The following EXOC4 variants were observed in gnomAD, a reference collection of about 807,000 sequenced individuals.
EXOC4 encodes SEC8-like 1.
A neutral mutation model predicts 107.2 loss-of-function variants in EXOC4; 71 were observed. That is an observed-to-expected ratio of 0.66 (90% CI 0.55 to 0.81). EXOC4 has a LOEUF of 0.81. Ranked by LOEUF, EXOC4 falls within the 30% of genes least tolerant of loss-of-function variation. The pLI, the probability that EXOC4 is intolerant of heterozygous loss-of-function variation, is 0.00. For missense variants in EXOC4, 1,108 were observed against 1,189.6 expected (o/e 0.93, Z 1.01); for synonymous variants, 456 against 441.2 (o/e 1.03, Z -0.42).
chr7:133,959,851 G>T (rs1274728615), intron 14 of EXOC4, among the ~76,000 whole-genome samples: 1 of 152,050 alleles, frequency 6.6e-6, no homozygotes, highest in Non-Finnish European at 1.5e-5. Flanking sequence ...ACCTAGAATT[G>T]TTTATCTAAC....
At chr7:133,560,413 T>A (rs1390872222) in intron 9 of EXOC4, among the ~76,000 whole-genome samples, 1 of 152,150 alleles carries the variant, frequency 6.6e-6, no homozygotes, top group Admixed American at 6.5e-5. Context: ...GCCACTTGAG[T>A]AGCTGGGATT....
chr7:133,453,254 G>A (rs757585434), intron 7 of EXOC4, among the ~76,000 whole-genome samples: 2 of 152,168 alleles, frequency 1.3e-5, no homozygotes, highest in East Asian at 1.9e-4. Flanking sequence ...GTTGGCCAGC[G>A]TCTATAGTAG....
At chr7:133,660,695 T>C (rs1404664199) in intron 10 of EXOC4, among the ~76,000 whole-genome samples, 1 of 152,206 alleles carries the variant, frequency 6.6e-6, no homozygotes, top group Non-Finnish European at 1.5e-5. Context: ...CTTCACTTTT[T>C]TGCCTCCTAT....
intron 17 of EXOC4, among the ~76,000 whole-genome samples, chr7:134,018,157 G>A (rs1794952336): frequency 6.6e-6 from 1 of 152,164 alleles, no homozygotes; most frequent in South Asian, 2.1e-4. Flanking sequence ...GGGTTGCATT[G>A]TACTGAAAAG....
chr7:133,302,396 T>C (rs968760427), intron 3 of EXOC4, among the ~76,000 whole-genome samples: 2 of 152,180 alleles, frequency 1.3e-5, no homozygotes, highest in East Asian at 1.9e-4. Context: ...AAAAATTCAC[T>C]GGTAGTCATA....
intron 7 of EXOC4, among the ~76,000 whole-genome samples, chr7:133,468,210 T>G (rs1376361550): frequency 1.3e-5 from 2 of 152,222 alleles, no homozygotes; most frequent in Non-Finnish European, 2.9e-5. Flanking sequence ...TTTGTTTTAT[T>G]CTGAACAATA....
rs749088168 is a variant in EXOC4 at position 133,253,230 on chromosome 7, GC to G, written c.86+44del. On this transcript the variant is annotated intron_variant, in intron 1 of 17. Coordinates refer to ENST00000253861, the MANE Select transcript of EXOC4 (RefSeq NM_021807.4). Reference sequence around the variant, plus strand: ...CAGGGTCTGGGGACTGGGGGCAGCGGCTCGACCTCCGCTTTGGAAGGGAGAA... The same window carrying G: ...CAGGGTCTGGGGACTGGGGGCAGCGGTCGACCTCCGCTTTGGAAGGGAGAA... The G allele has an allele frequency of 4.4e-6, 7 of 1,596,612 alleles. No homozygotes were observed. In the South Asian group the frequency reaches 7.7e-5, roughly 18 times the overall value.
chr7:133,974,813 G>A (rs1793789966), intron 14 of EXOC4, among the ~76,000 whole-genome samples: 1 of 152,160 alleles, frequency 6.6e-6, no homozygotes, highest in Admixed American at 6.5e-5. Flanking sequence ...CATTGTGAAT[G>A]GTTTAATGAA....
Position 133,738,338 on chromosome 7 carries a change from A to G in EXOC4, c.1515-78987A>G, listed in dbSNP as rs527448377. Among the ~76,000 whole-genome samples the G allele has an allele frequency of 3.3e-5, 5 of 152,304 alleles. No individual in the cohort carries two copies. The South Asian group carries it at 8.3e-4, about 25-fold the overall frequency. The stretch of plus-strand genomic sequence containing the variant: ...ACTCATTTATAATGTCAACAGTCAC[A>G]TGAAGGCTAGAAAAATTAAATGTGT... On this transcript the variant is annotated intron_variant, in intron 10 of 17. Coordinates refer to ENST00000253861, the MANE Select transcript of EXOC4 (RefSeq NM_021807.4).
chr7:133,643,257 C>T (rs915897594), intron 10 of EXOC4, among the ~76,000 whole-genome samples: 6 of 152,094 alleles, frequency 3.9e-5, no homozygotes, highest in South Asian at 4.1e-4. Context: ...TAGAGTCCAA[C>T]GTTTGAGGGC....
At chr7:134,096,935 C>T in the EXOC4 span, among the ~76,000 whole-genome samples, 3 of 151,940 alleles carry the variant, frequency 2.0e-5, no homozygotes, top group Non-Finnish European at 4.4e-5. Flanking sequence ...AGTTGACACT[C>T]AATATTAACC....
chr7:133,522,974 A>C (rs1471064415), intron 9 of EXOC4, among the ~76,000 whole-genome samples: 1 of 152,168 alleles, frequency 6.6e-6, no homozygotes, highest in Non-Finnish European at 1.5e-5. Context: ...TTCTGAACCA[A>C]GTCAAGTTGA....
At chr7:133,947,087 C>T (rs1419800980) in intron 14 of EXOC4, among the ~76,000 whole-genome samples, 1 of 152,178 alleles carries the variant, frequency 6.6e-6, no homozygotes, top group Non-Finnish European at 1.5e-5. Flanking sequence ...ACTATTTGGC[C>T]TGTCCGAGCT....
At chr7:133,437,475 A>G (rs971325983) in intron 7 of EXOC4, among the ~76,000 whole-genome samples, 4 of 152,236 alleles carry the variant, frequency 2.6e-5, no homozygotes, top group Non-Finnish European at 5.9e-5. Flanking sequence ...ATGCTGGACA[A>G]TGAAGAAGAA....
intron 10 of EXOC4, among the ~76,000 whole-genome samples, chr7:133,662,469 C>T (rs1327183942): frequency 1.3e-5 from 2 of 152,014 alleles, no homozygotes; most frequent in Admixed American, 6.6e-5. Context: ...TTGACAAGAA[C>T]AGTTTTGAGT....
chr7:133,326,210 G>A (rs1241163342), intron 5 of EXOC4, among the ~76,000 whole-genome samples: 5 of 152,092 alleles, frequency 3.3e-5, no homozygotes, highest in Non-Finnish European at 2.9e-5. Context: ...CTCTAAACTC[G>A]TCAAAGTCAT....
chr7:133,708,840 CAAA>C (rs898730149), intron 10 of EXOC4, among the ~76,000 whole-genome samples: 2 of 152,160 alleles, frequency 1.3e-5, no homozygotes, highest in African/African-American at 4.8e-5. Flanking sequence ...TTTCAAAAAA[CAAA>C]AATCTCAGTT....
intron 3 of EXOC4, among the ~76,000 whole-genome samples, chr7:133,301,013 T>G (rs1037539774): frequency 6.6e-6 from 1 of 152,246 alleles, no homozygotes; most frequent in African/African-American, 2.4e-5. Context: ...CTGGGATTCT[T>G]GGCTCCTGTG....
At chr7:133,827,952 C>A (rs564493629) in intron 11 of EXOC4, among the ~76,000 whole-genome samples, 1 of 152,130 alleles carries the variant, frequency 6.6e-6, no homozygotes, top group South Asian at 2.1e-4. Context: ...AAGGAAGTCT[C>A]TGAGATTACT....
Sources: gnomAD v4.1 joint callset for allele counts (sites outside exome capture counted in the v4.1 genomes callset) on GRCh38, gnomAD v4.1.1 for gene constraint, MANE v1.5 for transcripts, NCBI Gene and HGNC (gene_info 2026-07-23, HGNC 2026-07-21) for gene names.